The following CNTNAP5 variants were observed in gnomAD, a reference collection of about 807,000 sequenced individuals.
CNTNAP5 encodes the protein contactin-associated protein-like 5.
Under a neutral mutation model 150.2 loss-of-function variants are expected in CNTNAP5, and 72 were observed. That is an observed-to-expected ratio of 0.48 (90% confidence interval 0.40 to 0.58). CNTNAP5 has a LOEUF of 0.58. Ranked by LOEUF, CNTNAP5 falls within the 20% of genes least tolerant of loss-of-function variation. The pLI, the probability that CNTNAP5 is intolerant of heterozygous loss-of-function variation, is 0.00. For synonymous variants in CNTNAP5, 672 were observed against 619.8 expected, an observed-to-expected ratio of 1.08 and a Z score of -1.25; for missense variants, 1,636 against 1,626.2, an observed-to-expected ratio of 1.01 and a Z score of -0.10.
chr2:124,770,945 G>A (rs952251301), intron 16 of CNTNAP5, among the ~76,000 whole-genome samples: 11 of 152,046 alleles, frequency 7.2e-5, no homozygotes, highest in African/African-American at 1.9e-4. Context: ...TTGAAAACTC[G>A]CCTTAGATCA....
intron 17 of CNTNAP5, among the ~76,000 whole-genome samples, chr2:124,784,332 G>A (rs1037197656): frequency 2.6e-5 from 4 of 152,172 alleles, no homozygotes; most frequent in Admixed American, 2.0e-4. Context: ...GAGGCTCCGC[G>A]TTTGTGCTCA....
intron 3 of CNTNAP5, among the ~76,000 whole-genome samples, chr2:124,415,444 C>G (rs776468085): frequency 2.0e-5 from 3 of 152,144 alleles, no homozygotes; most frequent in Non-Finnish European, 4.4e-5. Flanking sequence ...AAAGATTATG[C>G]AAGATAACCT....
chr2:124,852,324 G>A (rs1346310918), intron 19 of CNTNAP5, among the ~76,000 whole-genome samples: 1 of 152,142 alleles, frequency 6.6e-6, no homozygotes, highest in Non-Finnish European at 1.5e-5. Context: ...TGGGACCTAA[G>A]ATGTGAATAA....
At chr2:124,267,906 G>A (rs1443817906) in intron 3 of CNTNAP5, among the ~76,000 whole-genome samples, 1 of 152,154 alleles carries the variant, frequency 6.6e-6, no homozygotes, top group East Asian at 1.9e-4. Flanking sequence ...CAGCTTCCGA[G>A]GCTGACTCAC....
At chr2:124,434,029 G>A (rs1188550867) in intron 4 of CNTNAP5, among the ~76,000 whole-genome samples, 1 of 152,116 alleles carries the variant, frequency 6.6e-6, no homozygotes, top group East Asian at 1.9e-4. Context: ...CAGACTTCTA[G>A]GGAGACAGTA....
At chr2:124,453,068 A>G (rs1195775438) in intron 6 of CNTNAP5, among the ~76,000 whole-genome samples, 1 of 152,182 alleles carries the variant, frequency 6.6e-6, no homozygotes, top group African/African-American at 2.4e-5. Flanking sequence ...AAGGTTAGTT[A>G]TTCAGCTAAT....
At chr2:124,221,326 T>G (rs574075350) in intron 1 of CNTNAP5, among the ~76,000 whole-genome samples, 130 of 152,268 alleles carry the variant, frequency 8.5e-4, no homozygotes, top group Non-Finnish European at 1.5e-3. Context: ...TCATCTCGCT[T>G]CTTATAGAAT....
chr2:124,511,411 G>GT (rs1477615015), intron 8 of CNTNAP5, among the ~76,000 whole-genome samples: 1 of 152,178 alleles, frequency 6.6e-6, no homozygotes, highest in Non-Finnish European at 1.5e-5. Context: ...GTTTGTTTTT[G>GT]TTTTTTGTAG....
chr2:124,189,083 TG>T (rs1296830265), intron 1 of CNTNAP5, among the ~76,000 whole-genome samples: 1 of 152,120 alleles, frequency 6.6e-6, no homozygotes, highest in Non-Finnish European at 1.5e-5. Flanking sequence ...TAATCATGAG[TG>T]GCCTCTAGAT....
At chr2:124,639,927 C>T (rs1199541857) in intron 12 of CNTNAP5, among the ~76,000 whole-genome samples, 2 of 151,998 alleles carry the variant, frequency 1.3e-5, no homozygotes, top group Admixed American at 6.6e-5. Context: ...ATCTTGTTCC[C>T]ACCCACTCCC....
chr2:124,356,166 A>C (rs1339843710), intron 3 of CNTNAP5, among the ~76,000 whole-genome samples: 1 of 152,158 alleles, frequency 6.6e-6, no homozygotes, highest in Non-Finnish European at 1.5e-5. Flanking sequence ...AAATATGATA[A>C]AATTATAACA....
chr2:124,308,293 C>T (rs1688740471), intron 3 of CNTNAP5, among the ~76,000 whole-genome samples: 1 of 151,266 alleles, frequency 6.6e-6, no homozygotes, highest in Admixed American at 6.6e-5. Flanking sequence ...TAATTCACAC[C>T]CCAACTCTGC....
chr2:124,621,300 A>G lies in CNTNAP5; in HGVS notation c.1876+11380A>G, dbSNP rs1277465510. ...TCTTGATGGATTCAATGCCAATTTCATGCATGTGGATCTGTAAGGCAATCA... is the reference window on the plus strand; with the variant it reads ...TCTTGATGGATTCAATGCCAATTTCGTGCATGTGGATCTGTAAGGCAATCA... On this transcript the variant is annotated intron_variant, in intron 12 of 23. Transcript: ENST00000682447. Among the ~76,000 whole-genome samples, 4 of 152,226 alleles carry G rather than the reference A, an allele frequency of 2.6e-5. No homozygotes were observed. In the South Asian group the frequency reaches 6.2e-4, roughly 24 times the overall value.
intron 3 of CNTNAP5, among the ~76,000 whole-genome samples, chr2:124,317,832 CAT>C (rs1491227155): frequency 2.3e-4 from 35 of 150,782 alleles, no homozygotes; most frequent in South Asian, 1.9e-3. Context: ...AGTAATGGAA[CAT>C]GTGTGTGTGT....
intron 19 of CNTNAP5, among the ~76,000 whole-genome samples, chr2:124,812,044 T>C (rs1375410185): frequency 1.2e-5 from 1 of 82,732 alleles, no homozygotes; most frequent in Non-Finnish European, 2.2e-5. Flanking sequence ...ATATATAATT[T>C]ATATTTATAT....
chr2:124,387,820 C>T (rs1025064049), intron 3 of CNTNAP5, among the ~76,000 whole-genome samples: 15 of 152,188 alleles, frequency 9.9e-5, no homozygotes, highest in African/African-American at 3.1e-4. Context: ...AGAGGCCTGA[C>T]ACAAAGCAAG....
intron 1 of CNTNAP5, among the ~76,000 whole-genome samples, chr2:124,206,875 T>C (rs947483927): frequency 6.6e-6 from 1 of 152,064 alleles, no homozygotes; most frequent in Non-Finnish European, 1.5e-5. Context: ...TCCATCAGGG[T>C]CCAGTTGTTT....
At chr2:124,615,613 C>A (rs1006547141) in intron 12 of CNTNAP5, among the ~76,000 whole-genome samples, 3 of 152,174 alleles carry the variant, frequency 2.0e-5, no homozygotes, top group African/African-American at 7.2e-5. Context: ...GGACTGGAAT[C>A]AACTTCTTCC....
intron 5 of CNTNAP5, among the ~76,000 whole-genome samples, chr2:124,445,394 G>A (rs1025045322): frequency 6.6e-5 from 10 of 152,094 alleles, no homozygotes; most frequent in African/African-American, 1.7e-4. Flanking sequence ...CACTGTACCC[G>A]GCTCATAATA....
Sources: allele counts gnomAD v4.1 joint callset (sites outside exome capture counted in the v4.1 genomes callset), GRCh38; gene constraint gnomAD v4.1.1; transcripts MANE v1.5; gene names NCBI Gene and HGNC (gene_info 2026-07-23, HGNC 2026-07-21).